The following EPHA7 variants were observed in gnomAD, a reference collection of about 807,000 sequenced individuals.
EPHA7 encodes ephrin type-A receptor 7.
EPHA7 carries 25 observed loss-of-function variants against 112.6 expected under a neutral mutation model. The ratio of observed to expected loss-of-function variants is 0.22; its 90% CI spans 0.16 to 0.31. The LOEUF is 0.31. Ranked by LOEUF, EPHA7 falls within the 10% of genes least tolerant of loss-of-function variation. The probability of loss-of-function intolerance (pLI) is 1.00; values close to 1 mark genes in which losing one functional copy is unlikely to be tolerated. For synonymous variants in EPHA7, 437 were observed against 406.5 expected, an observed-to-expected ratio of 1.07 and a Z score of -0.90; for missense variants, 962 against 1,212.6, an observed-to-expected ratio of 0.79 and a Z score of 3.07.
intron 5 of EPHA7, among the ~76,000 whole-genome samples, chr6:93,327,282 T>C (rs993728794): frequency 1.6e-4 from 25 of 151,530 alleles, no homozygotes; most frequent in African/African-American, 5.6e-4. Context: ...AAATTGAATT[T>C]TTCTATTATC....
At chr6:93,403,057 C>A (rs1194669269) in intron 3 of EPHA7, among the ~76,000 whole-genome samples, 2 of 151,984 alleles carry the variant, frequency 1.3e-5, no homozygotes, top group African/African-American at 4.8e-5. Flanking sequence ...AGAAGACAGT[C>A]TTGTTTATGT....
At chr6:93,380,614 T>G (rs924257636) in intron 3 of EPHA7, among the ~76,000 whole-genome samples, 1 of 152,074 alleles carries the variant, frequency 6.6e-6, no homozygotes, top group Admixed American at 6.6e-5. Context: ...ACTGTGAAAT[T>G]CAAGGAAATG....
intron 5 of EPHA7, among the ~76,000 whole-genome samples, chr6:93,284,203 CTG>C (rs1451548628): frequency 6.6e-6 from 1 of 151,938 alleles, no homozygotes; most frequent in Non-Finnish European, 1.5e-5. Context: ...TATTTTTTGA[CTG>C]TATGTTTTCC....
intron 5 of EPHA7, among the ~76,000 whole-genome samples, chr6:93,286,340 G>C (rs1353505090): frequency 1.3e-5 from 2 of 152,132 alleles, no homozygotes; most frequent in Non-Finnish European, 2.9e-5. Flanking sequence ...CGAATGCTCA[G>C]CACCTGAATT....
chr6:93,348,384 T>A (rs1051126292), intron 5 of EPHA7, among the ~76,000 whole-genome samples: 2 of 151,852 alleles, frequency 1.3e-5, no homozygotes, highest in African/African-American at 4.8e-5. Context: ...TGATATTATG[T>A]TCCTAGGTAC....
At chr6:93,286,579 C>T (rs886575926) in intron 5 of EPHA7, among the ~76,000 whole-genome samples, 3 of 152,020 alleles carry the variant, frequency 2.0e-5, no homozygotes, top group Admixed American at 1.3e-4. Flanking sequence ...CTCCCTGCTC[C>T]CCAGTTAATT....
intron 3 of EPHA7, among the ~76,000 whole-genome samples, chr6:93,394,284 A>C (rs1160343053): frequency 6.6e-6 from 1 of 151,792 alleles, no homozygotes; most frequent in East Asian, 1.9e-4. Context: ...TACAACTCAA[A>C]TACGCACCTT....
At chr6:93,414,875 T>G (rs1449788530) in intron 1 of EPHA7, 108 bp from the exon 2 acceptor site, 1 of 814,716 alleles carries the variant, frequency 1.2e-6, no homozygotes, top group Non-Finnish European at 2.0e-6. Context: ...TGACTTAAGA[T>G]CTGTAGTTAT....
At chr6:93,288,197 A>C (rs982377793) in intron 5 of EPHA7, among the ~76,000 whole-genome samples, 3 of 152,244 alleles carry the variant, frequency 2.0e-5, no homozygotes, top group African/African-American at 7.2e-5. Flanking sequence ...TAAACTAGCA[A>C]ACAAATAAGG....
chr6:93,392,361 G>A (rs989476087), intron 3 of EPHA7, among the ~76,000 whole-genome samples: 5 of 151,808 alleles, frequency 3.3e-5, no homozygotes, highest in East Asian at 1.9e-4. Flanking sequence ...GACTGCTTTC[G>A]CCTGGCTGCC....
At chr6:93,370,999 A>G (rs1582614735) in intron 3 of EPHA7, among the ~76,000 whole-genome samples, 1 of 151,206 alleles carries the variant, frequency 6.6e-6, no homozygotes, top group Non-Finnish European at 1.5e-5. Flanking sequence ...CAAAAAAAAA[A>G]AAAAGAAAAA....
intron 3 of EPHA7, among the ~76,000 whole-genome samples, chr6:93,385,507 T>C (rs907617518): frequency 5.3e-5 from 8 of 151,980 alleles, no homozygotes; most frequent in Admixed American, 5.3e-4. Context: ...TTCTTGAAAA[T>C]AAAAAACCCT....
At chr6:93,278,184 A>G (rs559292426) in intron 5 of EPHA7, among the ~76,000 whole-genome samples, 61 of 152,094 alleles carry the variant, frequency 4.0e-4, no homozygotes, top group African/African-American at 1.4e-3. Context: ...TATAAGTAAA[A>G]GGCTTTAAGG....
At chr6:93,270,638 A>G (rs1167093370) in intron 6 of EPHA7, among the ~76,000 whole-genome samples, 2 of 151,630 alleles carry the variant, frequency 1.3e-5, no homozygotes, top group East Asian at 3.9e-4. Context: ...GAAATCTTAA[A>G]ATGTCAATCA....
intron 5 of EPHA7, among the ~76,000 whole-genome samples, chr6:93,344,188 A>G (rs957503854): frequency 3.3e-5 from 5 of 151,598 alleles, no homozygotes; most frequent in African/African-American, 1.2e-4. Flanking sequence ...CAGTCCTTTG[A>G]TGTTATAGCA....
chr6:93,377,741 T>C lies in EPHA7; in HGVS notation c.833-19330A>G, dbSNP rs534171018. On this transcript the variant is annotated intron_variant, in intron 3 of 16. Transcript: ENST00000369303. ...TACTTTCTTCTACCTCTCATATCAA[T>C]GTAATCAATTCCTGTTTGTTATTCT... 4.6e-5 allele frequency among the ~76,000 whole-genome samples: 7 copies of C among 152,258 alleles called. No homozygotes were observed. In the South Asian group the frequency reaches 8.3e-4, roughly 18 times the overall value.
At chr6:93,293,583 T>C (rs949700606) in intron 5 of EPHA7, among the ~76,000 whole-genome samples, 1 of 152,184 alleles carries the variant, frequency 6.6e-6, no homozygotes, top group Non-Finnish European at 1.5e-5. Flanking sequence ...TCGACACTGG[T>C]ATCAAACAAC....
chr6:93,318,663 C>T (rs1485917904), intron 5 of EPHA7, among the ~76,000 whole-genome samples: 4 of 151,930 alleles, frequency 2.6e-5, no homozygotes, highest in Non-Finnish European at 1.5e-5. Context: ...TTGTCTATGG[C>T]ATGACCATTT....
intron 3 of EPHA7, among the ~76,000 whole-genome samples, chr6:93,395,986 A>G (rs1002395665): frequency 6.6e-6 from 1 of 151,912 alleles, no homozygotes; most frequent in Admixed American, 6.6e-5. Context: ...ATACAAGAGC[A>G]TGCCCTTTTT....
Sources: gnomAD v4.1 joint callset for allele counts (sites outside exome capture counted in the v4.1 genomes callset) on GRCh38, gnomAD v4.1.1 for gene constraint, MANE v1.5 for transcripts, NCBI Gene and HGNC (gene_info 2026-07-23, HGNC 2026-07-21) for gene names.